The following ZSWIM6 variants were observed in gnomAD, a reference collection of about 807,000 sequenced individuals.
ZSWIM6 encodes the protein zinc finger SWIM-type containing 6.
A neutral mutation model predicts 113.2 loss-of-function variants in ZSWIM6; 9 were observed. That is an observed-to-expected ratio of 0.08 (90% CI 0.05 to 0.14). The LOEUF (loss-of-function observed/expected upper bound fraction) is 0.14. Ranked by LOEUF, ZSWIM6 falls within the 10% of genes least tolerant of loss-of-function variation. The pLI, the probability that ZSWIM6 is intolerant of heterozygous loss-of-function variation, is 1.00. For synonymous variants in ZSWIM6, 611 were observed against 606.5 expected, an observed-to-expected ratio of 1.01 and a Z score of -0.11; for missense variants, 1,162 against 1,552.2, an observed-to-expected ratio of 0.75 and a Z score of 4.22.
intron 1 of ZSWIM6, among the ~76,000 whole-genome samples, chr5:61,344,972 T>G (rs1744625705): frequency 1.3e-5 from 2 of 152,370 alleles, no homozygotes; most frequent in South Asian, 4.1e-4. Context: ...GAATATGTAA[T>G]GTATAGTTTA....
At chr5:61,493,626 T>C (rs1177955414) in intron 3 of ZSWIM6, among the ~76,000 whole-genome samples, 1 of 152,156 alleles carries the variant, frequency 6.6e-6, no homozygotes, top group Non-Finnish European at 1.5e-5. Context: ...GTTTTGATAT[T>C]GTATTTCTTT....
At chr5:61,436,583 C>G (rs1746712615) in intron 1 of ZSWIM6, among the ~76,000 whole-genome samples, 1 of 152,164 alleles carries the variant, frequency 6.6e-6, no homozygotes, top group Admixed American at 6.5e-5. Flanking sequence ...AGATTACTTA[C>G]TTCTAGCATT....
chr5:61,446,675 T>G (rs1377974359), intron 1 of ZSWIM6, among the ~76,000 whole-genome samples: 1 of 152,186 alleles, frequency 6.6e-6, no homozygotes. Flanking sequence ...CTTACAAAAA[T>G]TTTAAAGCCA....
At chr5:61,513,894 CCTT>C (rs1748860553) in intron 4 of ZSWIM6, among the ~76,000 whole-genome samples, 1 of 151,972 alleles carries the variant, frequency 6.6e-6, no homozygotes, top group Non-Finnish European at 1.5e-5. Context: ...TTGTCTTTGT[CCTT>C]CTTACAACTT....
intron 4 of ZSWIM6, among the ~76,000 whole-genome samples, chr5:61,516,528 A>G (rs1004382731): frequency 7.1e-6 from 1 of 140,926 alleles, no homozygotes; most frequent in Non-Finnish European, 1.6e-5. Context: ...GCAAATATAT[A>G]TATATCTTAT....
chr5:61,389,935 G>C (rs976086179), intron 1 of ZSWIM6, among the ~76,000 whole-genome samples: 3 of 152,210 alleles, frequency 2.0e-5, no homozygotes, highest in Non-Finnish European at 2.9e-5. Context: ...GACCAATCTA[G>C]GGAATTTCTG....
At chr5:61,451,937 T>TA (rs1747094019) in intron 1 of ZSWIM6, among the ~76,000 whole-genome samples, 1 of 152,148 alleles carries the variant, frequency 6.6e-6, no homozygotes, top group South Asian at 2.1e-4. Context: ...TAGTATATAT[T>TA]AAAGAATATG....
intron 7 of ZSWIM6, among the ~76,000 whole-genome samples, chr5:61,528,619 G>A (rs998026817): frequency 2.1e-5 from 3 of 145,126 alleles, no homozygotes; most frequent in Non-Finnish European, 4.5e-5. Flanking sequence ...ATGGAGTCTC[G>A]CCCTGTCCCC....
At chr5:61,398,438 G>A (rs1259228254) in intron 1 of ZSWIM6, among the ~76,000 whole-genome samples, 1 of 152,132 alleles carries the variant, frequency 6.6e-6, no homozygotes, top group Non-Finnish European at 1.5e-5. Flanking sequence ...ATCGGTCCCT[G>A]GTGCCGAAAA....
chr5:61,533,797 C>G lies in ZSWIM6; in HGVS notation c.2246-1687C>G, dbSNP rs372385360. On this transcript the variant is annotated intron_variant, in intron 9 of 13. Transcript: ENST00000252744. ...TAGATTGGGCTGCCATAACAAAATA[C>G]CACAGATTGTGTGGCTTAAACAACA... Among the ~76,000 whole-genome samples the G allele has an allele frequency of 5.9e-5, 9 of 152,276 alleles. No homozygotes were observed. The East Asian group carries it at 1.2e-3, about 20-fold the overall frequency.
chr5:61,486,539 T>C (rs939635234), intron 2 of ZSWIM6, among the ~76,000 whole-genome samples: 7 of 152,128 alleles, frequency 4.6e-5, no homozygotes, highest in Non-Finnish European at 1.0e-4. Flanking sequence ...ATAGATGTTA[T>C]ACTAATTTAT....
chr5:61,374,982 G>A, intron 1 of ZSWIM6: 1 of 905,742 alleles, frequency 1.1e-6, no homozygotes, highest in Non-Finnish European at 1.7e-6. Context: ...ATAGAAATGA[G>A]CATACAATAA....
At chr5:61,384,565 T>C (rs1463417891) in intron 1 of ZSWIM6, among the ~76,000 whole-genome samples, 3 of 152,172 alleles carry the variant, frequency 2.0e-5, no homozygotes, top group Non-Finnish European at 4.4e-5. Flanking sequence ...TGAAGATGGA[T>C]AGGCGACCAG....
chr5:61,496,655 T>C (rs1748323922), intron 4 of ZSWIM6, among the ~76,000 whole-genome samples: 1 of 152,114 alleles, frequency 6.6e-6, no homozygotes, highest in African/African-American at 2.4e-5. Context: ...GGAAGCCCTT[T>C]AGCCACATGG....
At chr5:61,486,332 C>T (rs1748021879) in intron 2 of ZSWIM6, among the ~76,000 whole-genome samples, 1 of 151,948 alleles carries the variant, frequency 6.6e-6, no homozygotes, top group African/African-American at 2.4e-5. Context: ...TGTATCTGTA[C>T]CACATCATTC....
Position 61,426,750 on chromosome 5 carries a change from C to T in ZSWIM6, c.677-45931C>T, listed in dbSNP as rs528548305. Among the ~76,000 whole-genome samples, 3 of 152,154 alleles carry T rather than the reference C, an allele frequency of 2.0e-5. No individual in the cohort carries two copies. The South Asian group carries it at 6.2e-4, about 32-fold the overall frequency. On this transcript the variant is annotated intron_variant, in intron 1 of 13. Coordinates refer to ENST00000252744, the MANE Select transcript of ZSWIM6 (RefSeq NM_020928.2). ...TTACAACTGACATTTTAAAGAATAG[C>T]ATGCCCACCTTTTTCTAATAGAACA...
intron 1 of ZSWIM6, among the ~76,000 whole-genome samples, chr5:61,387,914 G>T (rs879493973): frequency 1.3e-5 from 2 of 149,228 alleles, no homozygotes; most frequent in African/African-American, 2.5e-5. Context: ...CCCTCTTTGA[G>T]GGGGGGAGAA....
chr5:61,450,708 G>A (rs1449383081), intron 1 of ZSWIM6, among the ~76,000 whole-genome samples: 1 of 151,986 alleles, frequency 6.6e-6, no homozygotes, highest in African/African-American at 2.4e-5. Context: ...CTCCAAATTT[G>A]TGAGTAGTAT....
intron 1 of ZSWIM6, among the ~76,000 whole-genome samples, chr5:61,339,427 A>G (rs1044373831): frequency 6.6e-6 from 1 of 152,276 alleles, no homozygotes; most frequent in African/African-American, 2.4e-5. Context: ...AAAAAATCAC[A>G]TGACTGGATC....
Sources: allele counts gnomAD v4.1 joint callset (sites outside exome capture counted in the v4.1 genomes callset), GRCh38; gene constraint gnomAD v4.1.1; transcripts MANE v1.5; gene names NCBI Gene and HGNC (gene_info 2026-07-23, HGNC 2026-07-21).